ANKHD1: variants seen among roughly 807,000 people sequenced by gnomAD.
ANKHD1 encodes the protein ankyrin repeat and KH domain containing 1.
A neutral mutation model predicts 230.5 loss-of-function variants in ANKHD1; 31 were observed. The ratio of observed to expected loss-of-function variants is 0.13; its 90% CI spans 0.10 to 0.18. The LOEUF (loss-of-function observed/expected upper bound fraction) is 0.18, where lower values mean the gene tolerates loss of function less well. Among genes scored for constraint, ANKHD1 ranks in the 10% least tolerant of loss-of-function variants. The probability of loss-of-function intolerance (pLI) is 1.00; values close to 1 mark genes in which losing one functional copy is unlikely to be tolerated. For synonymous variants in ANKHD1, 1,074 were observed against 1,117.6 expected, an observed-to-expected ratio of 0.96 and a Z score of 0.78; for missense variants, 2,256 against 3,071.3, an observed-to-expected ratio of 0.73 and a Z score of 6.27.
chr5:140,402,045 T>C lies in ANKHD1; in HGVS notation c.78T>C (p.Ala26=). The stretch of plus-strand genomic sequence containing the variant: ...CTGTGGCTCCGCGATCCGCCCCAGC[T>C]GGGGCCTCGGAGCCGCCTCCGCCGG... ...LDSVAPRSAP[A]GASEPPPPGG... Residue 26 remains alanine (A), a synonymous_variant, in exon 1 of 34, where the codon GCT becomes GCC. Coordinates refer to ENST00000360839, the MANE Select transcript of ANKHD1 (RefSeq NM_017747.3). 6.7e-7 allele frequency: 1 copy of C among 1,494,928 alleles called. No individual in the cohort carries two copies. The highest frequency in any genetic ancestry group is 1.5e-5 in the African/African-American group (1 of 67,916). 92.6% of individuals were successfully genotyped at this position (1,494,928 alleles called of 1,614,324 possible). A position where few individuals can be genotyped will look rare whatever the true frequency, so the allele number is the denominator to read the frequency against.
At chr5:140,510,804 G>A (rs1236696442) in intron 22 of ANKHD1, among the ~76,000 whole-genome samples, 2 of 151,670 alleles carry the variant, frequency 1.3e-5, no homozygotes, top group African/African-American at 4.8e-5. Flanking sequence ...AAAACTTACT[G>A]TATCTTCTGT....
At chr5:140,438,816 A>G (rs1205641161) in intron 3 of ANKHD1, among the ~76,000 whole-genome samples, 199 bp downstream of exon 3, 2 of 152,202 alleles carry the variant, frequency 1.3e-5, no homozygotes, top group Admixed American at 1.3e-4. Context: ...TTCAGCTCTT[A>G]TTCGTTGAGC....
At chr5:140,486,150 C>T (rs1337986270) in intron 13 of ANKHD1, 3 of 181,906 alleles carry the variant, frequency 1.6e-5, no homozygotes, top group South Asian at 2.4e-4. Context: ...CCGCAACCTC[C>T]GCCTCCCAGG....
At chr5:140,414,554 A>G (rs1465443801) in intron 1 of ANKHD1, among the ~76,000 whole-genome samples, 1 of 152,158 alleles carries the variant, frequency 6.6e-6, no homozygotes, top group Non-Finnish European at 1.5e-5. Flanking sequence ...ATTGCCGATT[A>G]GGCACAGTGG....
chr5:140,491,616 C>T (rs1178919635), intron 14 of ANKHD1, among the ~76,000 whole-genome samples: 2 of 152,076 alleles, frequency 1.3e-5, no homozygotes, highest in Non-Finnish European at 2.9e-5. Context: ...CCCTGTATAT[C>T]CTCCATGTTT....
intron 10 of ANKHD1, among the ~76,000 whole-genome samples, chr5:140,476,411 CTG>C (rs1283094890): frequency 2.6e-5 from 4 of 151,942 alleles, no homozygotes; most frequent in African/African-American, 9.7e-5. Context: ...ACAGATGAAA[CTG>C]TGGAACTTTA....
chr5:140,520,082 G>GA (rs1753252138), intron 24 of ANKHD1, among the ~76,000 whole-genome samples: 3 of 149,096 alleles, frequency 2.0e-5, no homozygotes, highest in Admixed American at 6.7e-5. Context: ...AAATTTACAA[G>GA]AAAAAAACAA....
chr5:140,523,811 T>A (rs1361931617), intron 24 of ANKHD1, among the ~76,000 whole-genome samples: 1 of 152,154 alleles, frequency 6.6e-6, no homozygotes, highest in Non-Finnish European at 1.5e-5. Flanking sequence ...TCCACCGACC[T>A]CGGCCTCTCA....
chr5:140,500,648 C>CAAA (rs376975917), intron 15 of ANKHD1, among the ~76,000 whole-genome samples: 6 of 78,690 alleles, frequency 7.6e-5, no homozygotes, highest in African/African-American at 2.4e-4. Flanking sequence ...GACTCTGTCT[C>CAAA]AAAAAAAAAA....
chr5:140,529,630 G>C lies in ANKHD1; in HGVS notation c.6684G>C (p.Trp2228Cys), dbSNP rs142243567. The C allele has an allele frequency of 1.9e-6, 3 of 1,614,036 alleles. No homozygotes were observed. The African/African-American group carries it at 4.0e-5, about 22-fold the overall frequency. ...GTCAGGTGCCAGCTAACCAGGGCTG[G>C]GGAGATGGTCCACTGTCCTCACGAG... ...DSSQVPANQG[W>C]GDGPLSSRVA... is the part of the protein sequence containing the mutation. The change falls in exon 29 of 34, where the codon TGG becomes TGC. Residue 2228 changes from tryptophan to cysteine, a missense_variant. Physicochemically the swap from Trp to Cys is radical, Grantham distance 215. This residue lies in a region of ANKHD1 where 778 missense variants were observed against 966.5 expected (regional missense o/e 0.80). Transcript: ENST00000360839.
chr5:140,455,523 A>T (rs1775106850), intron 7 of ANKHD1, among the ~76,000 whole-genome samples: 1 of 152,216 alleles, frequency 6.6e-6, no homozygotes, highest in Non-Finnish European at 1.5e-5. Flanking sequence ...ACCATGATCA[A>T]GTGGGCTTCA....
intron 1 of ANKHD1, among the ~76,000 whole-genome samples, chr5:140,433,497 C>T (rs1273446704): frequency 6.6e-6 from 1 of 152,232 alleles, no homozygotes; most frequent in Non-Finnish European, 1.5e-5. Flanking sequence ...AATGTTGCTT[C>T]TTGTGCAAAG....
In ANKHD1 at chr5:140,403,852, C is replaced by A. The variant is rs7356554; in HGVS notation, c.306+1579C>A. ...ATTTCTCTGTGTGTACTAACAATCC[C>A]GGCTCTTGGATTTGAGAGGAATAAG... On this transcript the variant is annotated intron_variant, in intron 1 of 33. Coordinates refer to ENST00000360839, the MANE Select transcript of ANKHD1 (RefSeq NM_017747.3). Among the ~76,000 whole-genome samples the A allele has an allele frequency of 2.0e-5, 3 of 152,066 alleles. No individual in the cohort carries two copies. The East Asian group carries it at 5.8e-4, about 29-fold the overall frequency.
At chr5:140,459,104 A>C in intron 8 of ANKHD1, 60 bp from the exon 9 acceptor site, 1 of 1,351,034 alleles carries the variant, frequency 7.4e-7, no homozygotes, top group Non-Finnish European at 9.6e-7. Context: ...AATTCAGAAA[A>C]TTAATATCTT....
rs953996949 is a variant in ANKHD1 at position 140,538,896 on chromosome 5, A to C, written c.7405-23A>C. ...ATAATTTATAGTAATTTTAAGATTA[A>C]ATCTTTTTTCCTGCTGTTTTAGGGT... On this transcript the variant is annotated intron_variant, in intron 32 of 33. Transcript: ENST00000360839. 10 of 1,477,728 alleles carry C rather than the reference A, an allele frequency of 6.8e-6. No homozygotes were observed. In the African/African-American group the frequency reaches 1.1e-4, roughly 17 times the overall value. 91.5% of individuals were successfully genotyped at this position (1,477,728 alleles called of 1,614,324 possible).
chr5:140,415,130 T>G (rs1456182781), intron 1 of ANKHD1, among the ~76,000 whole-genome samples: 2 of 152,088 alleles, frequency 1.3e-5, no homozygotes, highest in Non-Finnish European at 2.9e-5. Context: ...ACACCTATAA[T>G]CCCAGCGCTT....
chr5:140,475,049 C>T (rs1320095997), intron 10 of ANKHD1, among the ~76,000 whole-genome samples: 1 of 152,158 alleles, frequency 6.6e-6, no homozygotes, highest in African/African-American at 2.4e-5. Flanking sequence ...CTATGGAATA[C>T]ACAAAACTCC....
At chr5:140,463,864 A>G (rs1296351503) in intron 9 of ANKHD1, among the ~76,000 whole-genome samples, 1 of 151,868 alleles carries the variant, frequency 6.6e-6, no homozygotes, top group Non-Finnish European at 1.5e-5. Flanking sequence ...ACAGGGTTTC[A>G]CCACGTTGCC....
chr5:140,528,802 C>G lies in ANKHD1; in HGVS notation c.5856C>G (p.Thr1952=). 1 of 1,614,042 alleles carries G rather than the reference C, an allele frequency of 6.2e-7. No individual in the cohort carries two copies. The highest frequency in any genetic ancestry group is 8.5e-7 in the Non-Finnish European group (1 of 1,180,036). The part of the protein sequence containing the change: ...AASQQLCVTN[T]RTPSSVRKQL... Reference sequence around the variant, plus strand: ...GTCAGCAACTGTGTGTCACTAATACCCGGACTCCTTCATCAGTCAGAAAGC... The same window carrying G: ...GTCAGCAACTGTGTGTCACTAATACGCGGACTCCTTCATCAGTCAGAAAGC... Residue 1952 remains threonine, a synonymous_variant, in exon 29 of 34, where the codon ACC becomes ACG. Coordinates refer to ENST00000360839, the MANE Select transcript of ANKHD1 (RefSeq NM_017747.3).
Sources: allele counts gnomAD v4.1 joint callset (sites outside exome capture counted in the v4.1 genomes callset), GRCh38; gene constraint gnomAD v4.1.1; regional missense constraint gnomAD v4.1.1; transcripts MANE v1.5; gene names NCBI Gene and HGNC (gene_info 2026-07-23, HGNC 2026-07-21).